Variants in DNM3 observed in about 807,000 individuals in gnomAD.
DNM3 encodes the protein dynamin 3, also known as dynamin-3.
Under a neutral mutation model 101.6 loss-of-function variants are expected in DNM3, and 47 were observed. That is an observed-to-expected ratio of 0.46 (90% confidence interval 0.37 to 0.59). DNM3 has a LOEUF of 0.59. Ranked by LOEUF, DNM3 falls within the 20% of genes least tolerant of loss-of-function variation. The pLI, the probability that DNM3 is intolerant of heterozygous loss-of-function variation, is 0.00. For synonymous variants in DNM3, 385 were observed against 387.9 expected (o/e 0.99, Z 0.09); for missense variants, 849 against 1,085.7 (o/e 0.78, Z 3.06).
At chr1:172,129,860 G>A (rs774075022) in intron 13 of DNM3, among the ~76,000 whole-genome samples, 1 of 152,146 alleles carries the variant, frequency 6.6e-6, no homozygotes, top group Non-Finnish European at 1.5e-5. Context: ...TCTTTGTGAA[G>A]TAGAGAGTTA....
At chr1:172,179,461 GTAT>G (rs2059269343) in intron 14 of DNM3, among the ~76,000 whole-genome samples, 1 of 151,856 alleles carries the variant, frequency 6.6e-6, no homozygotes, top group African/African-American at 2.4e-5. Flanking sequence ...TTTAATAGAA[GTAT>G]TATTCTACTA....
chr1:171,943,787 G>C (rs761397846), intron 2 of DNM3, among the ~76,000 whole-genome samples: 5 of 152,036 alleles, frequency 3.3e-5, no homozygotes, highest in Non-Finnish European at 5.9e-5. Context: ...CATGGCCATT[G>C]GTCACTCATA....
intron 14 of DNM3, among the ~76,000 whole-genome samples, chr1:172,233,616 A>G (rs1386545447): frequency 6.6e-6 from 1 of 152,228 alleles, no homozygotes; most frequent in Non-Finnish European, 1.5e-5. Flanking sequence ...AATATCCCTG[A>G]TGAACATCGA....
intron 10 of DNM3, among the ~76,000 whole-genome samples, chr1:172,056,073 G>A (rs1228503064): frequency 6.6e-6 from 1 of 152,190 alleles, no homozygotes; most frequent in East Asian, 1.9e-4. Context: ...GTCAAAGAAA[G>A]GGGTGACGGA....
At chr1:172,113,212 A>G (rs1024173566) in intron 13 of DNM3, among the ~76,000 whole-genome samples, 2 of 152,192 alleles carry the variant, frequency 1.3e-5, no homozygotes, top group African/African-American at 4.8e-5. Flanking sequence ...AAGAATGACC[A>G]CTGTTATTTT....
At chr1:172,345,662 T>A (rs1320435777) in intron 17 of DNM3, among the ~76,000 whole-genome samples, 3 of 152,192 alleles carry the variant, frequency 2.0e-5, no homozygotes, top group African/African-American at 7.2e-5. Flanking sequence ...TTGATTTACT[T>A]ATTCATTATA....
At chr1:171,943,731 C>A (rs1278610026) in intron 2 of DNM3, among the ~76,000 whole-genome samples, 1 of 152,188 alleles carries the variant, frequency 6.6e-6, no homozygotes, top group African/African-American at 2.4e-5. Context: ...CATGTGTAGC[C>A]TGACCACCTT....
chr1:172,384,614 T>G (rs900663201), intron 18 of DNM3, among the ~76,000 whole-genome samples: 2 of 152,228 alleles, frequency 1.3e-5, no homozygotes, highest in Admixed American at 6.5e-5. Context: ...ATAATTGCTG[T>G]GGAAGATTCA....
chr1:172,214,727 G>A (rs1271127208), intron 14 of DNM3, among the ~76,000 whole-genome samples: 1 of 151,774 alleles, frequency 6.6e-6, no homozygotes, highest in African/African-American at 2.4e-5. Flanking sequence ...TAGGAGTGTG[G>A]GTATAGAAAG....
At chr1:172,287,830 C>T (rs948390567) in intron 15 of DNM3, among the ~76,000 whole-genome samples, 1 of 145,364 alleles carries the variant, frequency 6.9e-6, no homozygotes, top group African/African-American at 2.6e-5. Flanking sequence ...CACACACACA[C>T]ATATATTTTT....
intron 4 of DNM3, among the ~76,000 whole-genome samples, chr1:172,022,981 T>C (rs1000820793): frequency 2.0e-5 from 3 of 152,174 alleles, no homozygotes; most frequent in Non-Finnish European, 2.9e-5. Flanking sequence ...CTTTCTTCCA[T>C]GATATTGTCT....
Position 172,195,262 on chromosome 1 carries a change from G to A in DNM3, c.1660-58311G>A, listed in dbSNP as rs184567565. On this transcript the variant is annotated intron_variant, in intron 14 of 20. Coordinates refer to ENST00000627582, the MANE Select transcript of DNM3 (RefSeq NM_015569.5). ...GTATATAGGAAGGCGATTGACTTTTGTATATTAATCTTGAATCTTATAACC... is the reference window on the plus strand; with the variant it reads ...GTATATAGGAAGGCGATTGACTTTTATATATTAATCTTGAATCTTATAACC... Among the ~76,000 whole-genome samples the A allele has an allele frequency of 2.5e-3, 378 of 152,028 alleles. 1 individual carries two copies. Among genetic ancestry groups the A allele is most frequent in the African/African-American group, 8.4e-3 (348 of 41,516 alleles).
intron 14 of DNM3, among the ~76,000 whole-genome samples, chr1:172,135,220 T>C (rs1390640699): frequency 6.6e-6 from 1 of 152,140 alleles, no homozygotes; most frequent in Non-Finnish European, 1.5e-5. Context: ...TGCAGCAAAC[T>C]GTAAGCCTCT....
At chr1:172,135,761 A>G (rs939002311) in intron 14 of DNM3, among the ~76,000 whole-genome samples, 4 of 152,126 alleles carry the variant, frequency 2.6e-5, no homozygotes, top group African/African-American at 9.7e-5. Context: ...CAGACTTGAA[A>G]AAAATGATGG....
At chr1:171,957,552 G>C (rs2042947576) in intron 2 of DNM3, among the ~76,000 whole-genome samples, 1 of 152,034 alleles carries the variant, frequency 6.6e-6, no homozygotes, top group South Asian at 2.1e-4. Context: ...AAACTTTTAT[G>C]CTCTGTTTCC....
intron 17 of DNM3, among the ~76,000 whole-genome samples, chr1:172,343,444 T>A (rs980381053): frequency 6.6e-6 from 1 of 152,180 alleles, no homozygotes; most frequent in African/African-American, 2.4e-5. Flanking sequence ...TTACACCATA[T>A]TCCAGTAAAT....
At chr1:172,035,284 A>C (rs886951872) in intron 6 of DNM3, among the ~76,000 whole-genome samples, 2 of 152,154 alleles carry the variant, frequency 1.3e-5, no homozygotes, top group African/African-American at 4.8e-5. Flanking sequence ...GACACATCCA[A>C]GAGGAGAAGT....
Position 172,147,713 on chromosome 1 carries a change from T to G in DNM3, c.1659+16425T>G, listed in dbSNP as rs191645159. Among the ~76,000 whole-genome samples the G allele has an allele frequency of 5.3e-5, 8 of 151,946 alleles. 1 individual carries two copies. Among genetic ancestry groups the G allele is most frequent in the Admixed American group, 5.3e-4 (8 of 15,238 alleles). ...TCAGCTAATATTTTATAGCCTTAAG[T>G]TTTTTTTGTTACAAGATTAGTGCAC... On this transcript the variant is annotated intron_variant, in intron 14 of 20. Coordinates refer to ENST00000627582, the MANE Select transcript of DNM3 (RefSeq NM_015569.5).
At chr1:171,954,625 G>A (rs897687864) in intron 2 of DNM3, among the ~76,000 whole-genome samples, 9 of 152,204 alleles carry the variant, frequency 5.9e-5, no homozygotes, top group African/African-American at 1.9e-4. Context: ...GGGCAGCGGC[G>A]TTTTACATCA....
Sources: allele counts gnomAD v4.1 joint callset (sites outside exome capture counted in the v4.1 genomes callset), GRCh38; gene constraint gnomAD v4.1.1; transcripts MANE v1.5; gene names NCBI Gene and HGNC (gene_info 2026-07-23, HGNC 2026-07-21).